MEIKIN: variants seen among roughly 807,000 people sequenced by gnomAD.
The protein encoded by MEIKIN is meiosis-specific kinetochore protein.
chr5:131,909,769 A>C (rs981721548), intron 8 of MEIKIN, among the ~76,000 whole-genome samples: 1 of 152,230 alleles, frequency 6.6e-6, no homozygotes, highest in Non-Finnish European at 1.5e-5. Flanking sequence ...AGACCTAAAC[A>C]GACATTTCTC....
chr5:131,830,222 T>G (rs1459253470), intron 11 of MEIKIN, among the ~76,000 whole-genome samples: 1 of 151,830 alleles, frequency 6.6e-6, no homozygotes. Flanking sequence ...AAACCCCATC[T>G]CTACAATAAA....
At chr5:131,829,848 C>T (rs1382771213) in intron 11 of MEIKIN, among the ~76,000 whole-genome samples, 19 of 152,162 alleles carry the variant, frequency 1.2e-4, no homozygotes, top group Admixed American at 1.2e-3. Flanking sequence ...AAGAAAGTGC[C>T]TCCCCTAATG....
chr5:131,884,138 C>T (rs1221200665), intron 8 of MEIKIN, among the ~76,000 whole-genome samples: 1 of 149,750 alleles, frequency 6.7e-6, no homozygotes, highest in Non-Finnish European at 1.5e-5. Flanking sequence ...GGGCTCAGAG[C>T]CAGTGGACTT....
At chr5:131,886,200 G>C (rs182749370) in intron 8 of MEIKIN, among the ~76,000 whole-genome samples, 2 of 152,230 alleles carry the variant, frequency 1.3e-5, no homozygotes, top group African/African-American at 4.8e-5. Context: ...CTTAAGGGTT[G>C]TTGGCCTTAA....
intron 8 of MEIKIN, among the ~76,000 whole-genome samples, chr5:131,897,690 G>A (rs1751077225): frequency 6.6e-6 from 1 of 152,088 alleles, no homozygotes; most frequent in Admixed American, 6.5e-5. Flanking sequence ...GGCTATTGAA[G>A]CTCGTGCATG....
At chr5:131,871,905 T>C (rs369388079) in intron 9 of MEIKIN, among the ~76,000 whole-genome samples, 3 of 151,918 alleles carry the variant, frequency 2.0e-5, no homozygotes, top group African/African-American at 7.3e-5. Flanking sequence ...AGTGGACCTC[T>C]AGCAAACTCC....
At chr5:131,876,332 G>A (rs1373184917) in intron 9 of MEIKIN, among the ~76,000 whole-genome samples, 15 of 151,606 alleles carry the variant, frequency 9.9e-5, no homozygotes, top group South Asian at 2.1e-4. Context: ...AAAAGTGGGC[G>A]AAGGATATGA....
At chr5:131,942,835 T>G (rs1751896483) in intron 3 of MEIKIN, 140 bp from the exon 4 acceptor site, 1 of 371,958 alleles carries the variant, frequency 2.7e-6, no homozygotes, top group East Asian at 3.9e-5. Flanking sequence ...TTCATTCAGT[T>G]TATTGTTCAG....
At chr5:131,815,443 G>T (rs1355868319) in intron 12 of MEIKIN, among the ~76,000 whole-genome samples, 2 of 152,152 alleles carry the variant, frequency 1.3e-5, no homozygotes, top group African/African-American at 4.8e-5. Flanking sequence ...ATTAACCCTG[G>T]TGACCCACTA....
In MEIKIN at chr5:131,942,689, C is replaced by G. The variant is rs1751893459; in HGVS notation, c.295G>C (p.Val99Leu). The change falls in exon 4 of 13, where the codon GTT (valine) becomes CTT (leucine). Residue 99 changes from valine (V) to leucine (L), a missense_variant. Transcript: ENST00000442687. ...CTATCAACCTGGAGGTCATCAGTAA[C>G]TGATTCCTAAGTGAAATAAGAATTA... is the stretch of plus-strand genomic sequence containing the variant. ...DEKIASLRESVTDDLQVDSSS... is the reference protein window; with the variant it reads ...DEKIASLRESLTDDLQVDSSS... The G allele has an allele frequency of 2.5e-6, 1 of 398,308 alleles. No homozygotes were observed. The highest frequency in any genetic ancestry group is 1.3e-4 in the South Asian group (1 of 7,848). The allele number at this position is 398,308 out of a possible 1,614,324, so 24.7% of individuals were successfully genotyped here.
chr5:131,934,651 G>A (rs983893786), intron 4 of MEIKIN, among the ~76,000 whole-genome samples: 8 of 152,076 alleles, frequency 5.3e-5, no homozygotes, highest in East Asian at 1.9e-4. Context: ...CTGTAACACC[G>A]AGTTATGCAA....
chr5:131,818,870 A>C lies in MEIKIN; in HGVS notation c.976-7T>G, dbSNP rs1372393603. 2.5e-6 allele frequency: 1 copy of C among 397,480 alleles called. No homozygotes were observed. The highest frequency in any genetic ancestry group is 4.4e-6 in the Non-Finnish European group (1 of 225,454). 24.6% of individuals were successfully genotyped at this position (397,480 alleles called of 1,614,324 possible). On this transcript the variant is annotated splice_region_variant and splice_polypyrimidine_tract_variant and intron_variant, in intron 11 of 12. Transcript: ENST00000442687. ...CTGATGCATTTGCAGGAAACTGGAA[A>C]AGAAAAAAAGCAGATATTGCATAAT...
intron 11 of MEIKIN, among the ~76,000 whole-genome samples, chr5:131,846,471 G>A (rs1480500845): frequency 6.6e-6 from 1 of 152,168 alleles, no homozygotes; most frequent in East Asian, 1.9e-4. Context: ...ATTGGTATAA[G>A]AGCTAGTATT....
chr5:131,838,315 T>C (rs1749845710), intron 11 of MEIKIN, among the ~76,000 whole-genome samples: 2 of 152,154 alleles, frequency 1.3e-5, no homozygotes, highest in Non-Finnish European at 2.9e-5. Context: ...TGAAGTTTTC[T>C]TTTTTTGTTG....
chr5:131,837,816 A>G (rs1427837953), intron 11 of MEIKIN, among the ~76,000 whole-genome samples: 1 of 152,008 alleles, frequency 6.6e-6, no homozygotes, highest in Non-Finnish European at 1.5e-5. Flanking sequence ...GGAATAGTTT[A>G]ACATCCTGTC....
At chr5:131,905,839 C>A (rs1751234843) in intron 8 of MEIKIN, among the ~76,000 whole-genome samples, 2 of 152,150 alleles carry the variant, frequency 1.3e-5, no homozygotes, top group South Asian at 4.1e-4. Context: ...AAGACTGAAA[C>A]TGGAGATCCC....
At position 131,878,962 on chromosome 5, in the gene MEIKIN, C is replaced by T. The variant is rs1750658770; in HGVS notation, c.774+16G>A. On this transcript the variant is annotated intron_variant, in intron 9 of 12. Coordinates refer to ENST00000442687, the MANE Select transcript of MEIKIN (RefSeq NM_001303622.2). ...ATGTATTATGATTTATGTAGTTATT[C>T]TGCTTCAATACTTGCTTTTTTCTTT... The T allele has an allele frequency of 2.5e-6, 1 of 396,060 alleles. No individual in the cohort carries two copies. Among genetic ancestry groups the T allele is most frequent in the Non-Finnish European group, 4.4e-6 (1 of 225,172 alleles). 24.5% of individuals were successfully genotyped at this position (396,060 alleles called of 1,614,324 possible). A position where few individuals can be genotyped will look rare whatever the true frequency, so the allele number is the denominator to read the frequency against.
chr5:131,896,118 T>C (rs1382312583), intron 8 of MEIKIN, among the ~76,000 whole-genome samples: 3 of 152,230 alleles, frequency 2.0e-5, no homozygotes, highest in Non-Finnish European at 2.9e-5. Context: ...AGAACATCTT[T>C]ATTTCTGCCT....
At chr5:131,834,411 C>T (rs1340004084) in intron 11 of MEIKIN, among the ~76,000 whole-genome samples, 2 of 152,136 alleles carry the variant, frequency 1.3e-5, no homozygotes, top group East Asian at 1.9e-4. Context: ...ACTATAGCCA[C>T]CATGCTGTAC....
Sources: gnomAD v4.1 joint callset for allele counts (sites outside exome capture counted in the v4.1 genomes callset) on GRCh38, gnomAD v4.1.1 for gene constraint, MANE v1.5 for transcripts, NCBI Gene and HGNC (gene_info 2026-07-23, HGNC 2026-07-21) for gene names.